PHACTR1: variants seen among roughly 807,000 people sequenced by gnomAD.
PHACTR1 encodes phosphatase and actin regulator 1, also known as RPEL repeat containing 1.
A neutral mutation model predicts 69.2 loss-of-function variants in PHACTR1; 16 were observed. The observed-to-expected ratio is 0.23, with a 90% confidence interval of 0.16 to 0.35. The LOEUF is 0.35. Ranked by LOEUF, PHACTR1 falls within the 10% of genes least tolerant of loss-of-function variation. PHACTR1 has a pLI of 1.00. For synonymous variants in PHACTR1, 312 were observed against 284.5 expected, an observed-to-expected ratio of 1.10 and a Z score of -0.97; for missense variants, 510 against 734.7, an observed-to-expected ratio of 0.69 and a Z score of 3.54.
intron 4 of PHACTR1, among the ~76,000 whole-genome samples, chr6:12,800,800 A>T (rs1385818960): frequency 6.6e-6 from 1 of 152,016 alleles, no homozygotes; most frequent in Non-Finnish European, 1.5e-5. Context: ...AGGTCGGAGG[A>T]TCACCTGAGC....
intron 5 of PHACTR1, among the ~76,000 whole-genome samples, 157 bp from the exon 6 acceptor site, chr6:13,160,047 A>T (rs1442099460): frequency 6.6e-6 from 1 of 152,270 alleles, no homozygotes; most frequent in African/African-American, 2.4e-5. Context: ...GTATCAAAAC[A>T]TATTAACTGG....
At chr6:13,218,845 G>A (rs866256367) in intron 8 of PHACTR1, among the ~76,000 whole-genome samples, 17 of 138,376 alleles carry the variant, frequency 1.2e-4, no homozygotes, top group African/African-American at 2.4e-4. Flanking sequence ...AGGAGGAGGA[G>A]GAGGAGGAAA....
At chr6:13,166,652 A>G (rs550527551) in intron 6 of PHACTR1, among the ~76,000 whole-genome samples, 76 of 152,320 alleles carry the variant, frequency 5.0e-4, no homozygotes, top group African/African-American at 1.8e-3. Flanking sequence ...TTATGTATAT[A>G]TTTGTATACA....
At chr6:12,995,189 C>T (rs1006514000) in intron 4 of PHACTR1, among the ~76,000 whole-genome samples, 2 of 150,170 alleles carry the variant, frequency 1.3e-5, no homozygotes, top group Non-Finnish European at 3.0e-5. Context: ...TGGGCTTGTT[C>T]AGGATATACT....
chr6:12,998,794 A>G (rs1797745655), intron 4 of PHACTR1, among the ~76,000 whole-genome samples: 1 of 152,160 alleles, frequency 6.6e-6, no homozygotes, highest in Admixed American at 6.5e-5. Context: ...TAGAAGAAAA[A>G]AGAGTCTATA....
intron 4 of PHACTR1, among the ~76,000 whole-genome samples, chr6:13,044,425 G>C (rs1424538660): frequency 6.6e-6 from 1 of 152,200 alleles, no homozygotes; most frequent in Non-Finnish European, 1.5e-5. Flanking sequence ...TTTATCAGTA[G>C]TTCCAACAAA....
intron 3 of PHACTR1, among the ~76,000 whole-genome samples, chr6:12,747,128 G>A (rs74672866): frequency 0.017 from 2,654 of 152,228 alleles, 79 homozygotes; most frequent in East Asian, 0.082. Flanking sequence ...TGATAAACGG[G>A]AAATAATAAT....
chr6:12,854,096 A>C (rs1269801816), intron 4 of PHACTR1, among the ~76,000 whole-genome samples: 1 of 152,222 alleles, frequency 6.6e-6, no homozygotes, highest in Non-Finnish European at 1.5e-5. Context: ...AGTGGGAAGC[A>C]AAACGTAACC....
chr6:13,033,189 A>G (rs1164895448), intron 4 of PHACTR1, among the ~76,000 whole-genome samples: 1 of 151,996 alleles, frequency 6.6e-6, no homozygotes, highest in African/African-American at 2.4e-5. Flanking sequence ...TTGCCTTTAA[A>G]CTCTCTTATT....
At position 13,191,345 on chromosome 6, in the gene PHACTR1, T is replaced by G. The variant is rs75776212; in HGVS notation, c.664+8659T>G. 1.2e-4 allele frequency among the ~76,000 whole-genome samples: 18 copies of G among 152,278 alleles called. No individual in the cohort carries two copies. The East Asian group carries it at 3.3e-3, about 28-fold the overall frequency. On this transcript the variant is annotated intron_variant, in intron 7 of 14. Coordinates refer to ENST00000332995, the MANE Select transcript of PHACTR1 (RefSeq NM_030948.6). ...GGTCGGTCAAGTGCAGCCATAAGGT[T>G]TATTATACTCACGGGCCCTAGAGAC...
intron 4 of PHACTR1, among the ~76,000 whole-genome samples, chr6:12,759,988 TA>T (rs1227300336): frequency 6.6e-6 from 1 of 152,248 alleles, no homozygotes; most frequent in Non-Finnish European, 1.5e-5. Flanking sequence ...CTAGTGATAG[TA>T]ATTATCTTAC....
chr6:12,816,218 G>A (rs1367770773), intron 4 of PHACTR1, among the ~76,000 whole-genome samples: 1 of 152,192 alleles, frequency 6.6e-6, no homozygotes, highest in Non-Finnish European at 1.5e-5. Flanking sequence ...TAATGTACTT[G>A]ATGATACCTG....
intron 4 of PHACTR1, among the ~76,000 whole-genome samples, chr6:12,946,227 A>C (rs980111327): frequency 5.2e-4 from 79 of 152,008 alleles, no homozygotes; most frequent in African/African-American, 1.7e-3. Flanking sequence ...GTAGACTATA[A>C]TAGCAGAAAA....
At chr6:13,158,204 A>G (rs1758468828) in intron 5 of PHACTR1, among the ~76,000 whole-genome samples, 1 of 152,084 alleles carries the variant, frequency 6.6e-6, no homozygotes, top group Non-Finnish European at 1.5e-5. Context: ...TTTTCAAATC[A>G]GGCAGAACTT....
chr6:13,075,471 G>GA (rs1289006214), intron 5 of PHACTR1, among the ~76,000 whole-genome samples: 2 of 152,102 alleles, frequency 1.3e-5, no homozygotes, highest in African/African-American at 4.8e-5. Flanking sequence ...GCTTGTTACT[G>GA]ACTTGAGGTT....
chr6:13,025,673 G>GTGTGTGTATA (rs775363826), intron 4 of PHACTR1, among the ~76,000 whole-genome samples: 1 of 135,054 alleles, frequency 7.4e-6, no homozygotes, highest in African/African-American at 2.8e-5. Context: ...TATATTATTT[G>GTGTGTGTATA]TGTGTGTGTG....
intron 10 of PHACTR1, among the ~76,000 whole-genome samples, chr6:13,271,179 T>C (rs1469970193): frequency 6.6e-6 from 1 of 152,120 alleles, no homozygotes; most frequent in Non-Finnish European, 1.5e-5. Context: ...CGGCTAATTT[T>C]TGTATTTTTA....
At chr6:12,999,427 GTC>G (rs1431618139) in intron 4 of PHACTR1, among the ~76,000 whole-genome samples, 2 of 152,144 alleles carry the variant, frequency 1.3e-5, no homozygotes, top group African/African-American at 4.8e-5. Context: ...GTGAAACCCT[GTC>G]TCTACTAACA....
At chr6:13,228,103 TG>T (rs1770118621) in intron 9 of PHACTR1, 40 bp downstream of exon 9, 1 of 1,582,638 alleles carries the variant, frequency 6.3e-7, no homozygotes, top group African/African-American at 1.3e-5. Flanking sequence ...TGGGGAAGCA[TG>T]CTATTGTGGA....
Sources: allele counts gnomAD v4.1 joint callset (sites outside exome capture counted in the v4.1 genomes callset), GRCh38; gene constraint gnomAD v4.1.1; transcripts MANE v1.5; gene names NCBI Gene and HGNC (gene_info 2026-07-23, HGNC 2026-07-21).